MYH15: variants seen among roughly 807,000 people sequenced by gnomAD.
MYH15 encodes the protein myosin heavy chain 15, also known as myosin-15.
In MYH15, 227 loss-of-function variants were observed where a neutral mutation model predicts 240.5. The observed-to-expected ratio is 0.94, with a 90% CI of 0.85 to 1.05. The LOEUF is 1.05. Ranked by LOEUF, MYH15 falls within the 50% of genes least tolerant of loss-of-function variation. The pLI, the probability that MYH15 is intolerant of heterozygous loss-of-function variation, is 0.00. For missense variants in MYH15, 2,217 were observed against 2,247.5 expected, an observed-to-expected ratio of 0.99 and a Z score of 0.27; for synonymous variants, 785 against 796.7, an observed-to-expected ratio of 0.99 and a Z score of 0.25.
intron 9 of MYH15, among the ~76,000 whole-genome samples, chr3:108,489,994 C>G (rs1208009858): frequency 1.3e-5 from 2 of 152,208 alleles, no homozygotes; most frequent in Non-Finnish European, 2.9e-5. Flanking sequence ...CCAAAGGCAT[C>G]AGATGCTTCT....
chr3:108,466,620 G>A lies in MYH15; in HGVS notation c.1555-1806C>T, dbSNP rs181174528. On this transcript the variant is annotated intron_variant, in intron 14 of 40. Coordinates refer to ENST00000693548, the MANE Select transcript of MYH15 (RefSeq NM_014981.3). ...TAGTGCCTGCTTATACCTGAGTAAC[G>A]GGTTTCATTTCTCTATCAGCCCATG... is the stretch of plus-strand genomic sequence containing the variant. Among the ~76,000 whole-genome samples, 681 of 152,218 alleles carry A rather than the reference G, an allele frequency of 4.5e-3. 4 individuals are homozygous for A. Among genetic ancestry groups the A allele is most frequent in the Non-Finnish European group, 5.5e-3 (373 of 68,018 alleles).
At chr3:108,463,539 G>A (rs550545511) in intron 15 of MYH15, among the ~76,000 whole-genome samples, 46 of 151,994 alleles carry the variant, frequency 3.0e-4, no homozygotes, top group Non-Finnish European at 5.9e-4. Flanking sequence ...TCCACATGTT[G>A]CTCGGTTTGG....
rs779673886 is a variant in MYH15 at position 108,499,479 on chromosome 3, C to T, written c.500G>A (p.Arg167Gln). ...CGTGAAGAGTATAGACTGATTTTCTCGATCTACAAAAGAAAGAAAAATGCC... is the reference window on the plus strand; with the variant it reads ...CGTGAAGAGTATAGACTGATTTTCTTGATCTACAAAAGAAAGAAAAATGCC... ...NNAFQDMLHNRENQSILFTGE... is the reference protein window; with the variant it reads ...NNAFQDMLHNQENQSILFTGE... The change falls in exon 5 of 41, where the codon CGA (arginine) becomes CAA (glutamine). Residue 167 changes from arginine (R) to glutamine (Q), a missense_variant. Physicochemically the swap from Arg to Gln is conservative, Grantham distance 43. Transcript: ENST00000693548. The T allele has an allele frequency of 5.6e-6, 9 of 1,612,632 alleles. No homozygotes were observed. Among genetic ancestry groups the T allele is most frequent in the African/African-American group, 1.3e-5 (1 of 74,726 alleles).
intron 25 of MYH15, among the ~76,000 whole-genome samples, chr3:108,431,627 G>A (rs1450321956): frequency 1.3e-5 from 2 of 152,096 alleles, no homozygotes; most frequent in Non-Finnish European, 2.9e-5. Flanking sequence ...GTGTGAAAAC[G>A]GACTAATATA....
chr3:108,414,234 G>A lies in MYH15; in HGVS notation c.4143C>T (p.Ala1381=), dbSNP rs780842849. ...AAGGATAGCCTTGCCCTACTCACTT[G>A]GCATCCTCCAAGTCTTCTGTTCTCT... ...VIQRTEDLED[A]KKELAIRLQE... The change falls in exon 30 of 41, where the codon GCC becomes GCT. Residue 1381 remains alanine, a splice_region_variant and synonymous_variant. Coordinates refer to ENST00000693548, the MANE Select transcript of MYH15 (RefSeq NM_014981.3). The A allele has an allele frequency of 3.7e-6, 6 of 1,613,726 alleles. No homozygotes were observed. In the South Asian group the frequency reaches 6.6e-5, roughly 18 times the overall value.
chr3:108,395,005 C>T (rs968196236), intron 35 of MYH15, among the ~76,000 whole-genome samples: 2 of 152,134 alleles, frequency 1.3e-5, no homozygotes, highest in Non-Finnish European at 2.9e-5. Context: ...GTGGCCCATG[C>T]CTGTAATCCT....
chr3:108,471,737 A>G (rs1001260463), intron 12 of MYH15, among the ~76,000 whole-genome samples: 3 of 152,100 alleles, frequency 2.0e-5, no homozygotes, highest in East Asian at 1.9e-4. Context: ...TGAGCCCAGT[A>G]TCTCTCCCCT....
chr3:108,431,432 T>G (rs1007326151), intron 25 of MYH15, among the ~76,000 whole-genome samples: 3 of 152,204 alleles, frequency 2.0e-5, no homozygotes, highest in Admixed American at 2.0e-4. Flanking sequence ...ATCTAACGTT[T>G]TATAAAGAGG....
chr3:108,519,126 G>A (rs78884903), intron 1 of MYH15, among the ~76,000 whole-genome samples: 4,929 of 152,206 alleles, frequency 0.032, 250 homozygotes, highest in African/African-American at 0.11. Context: ...GGTTAGAAAA[G>A]CATCTAACCA....
At chr3:108,517,954 T>C (rs115561345) in intron 1 of MYH15, among the ~76,000 whole-genome samples, 2,119 of 152,296 alleles carry the variant, frequency 0.014, 52 homozygotes, top group African/African-American at 0.049. Flanking sequence ...TACAGGGCCA[T>C]ACAGGTCAAG....
At chr3:108,388,854 G>C (rs1403208141) in intron 38 of MYH15, 116 bp downstream of exon 38, 1 of 783,440 alleles carries the variant, frequency 1.3e-6, no homozygotes, top group African/African-American at 1.7e-5. Context: ...TGCTGAAGGA[G>C]AACAAAGATG....
upstream of MYH15, among the ~76,000 whole-genome samples, chr3:108,513,377 G>C (rs2107257317): frequency 6.6e-6 from 1 of 152,236 alleles, no homozygotes; most frequent in African/African-American, 2.4e-5. Context: ...AAGAGAGCAG[G>C]GGGCAGCACT....
chr3:108,470,080 C>T lies in MYH15; in HGVS notation c.1516G>A (p.Gly506Ser), dbSNP rs1187695866. The T allele has an allele frequency of 6.2e-7, 1 of 1,609,702 alleles. No individual in the cohort carries two copies. The highest frequency in any genetic ancestry group is 2.2e-5 in the East Asian group (1 of 44,766). Reference protein sequence around the residue: ...ESIEWVSIGFGLDLQACIDLI... With the variant: ...ESIEWVSIGFSLDLQACIDLI... ...TCTATGCAAGCTTGCAAATCCAGACCAAAGCCAATAGACACCCATTCAATG... is the reference window on the plus strand; with the variant it reads ...TCTATGCAAGCTTGCAAATCCAGACTAAAGCCAATAGACACCCATTCAATG... The change falls in exon 14 of 41, where the codon GGT (glycine) becomes AGT (serine). Residue 506 changes from glycine to serine, a missense_variant. Transcript: ENST00000693548.
At position 108,416,806 on chromosome 3, in the gene MYH15, C is replaced by T. The variant is rs1486656702; in HGVS notation, c.3948+6G>A. The T allele has an allele frequency of 3.8e-6, 6 of 1,595,892 alleles. No homozygotes were observed. The South Asian group carries it at 6.6e-5, about 18-fold the overall frequency. Reference sequence around the variant, plus strand: ...AGAAACTAGTGAGAAATAATAGATACATTACTTTGGTCTCCTTTTCCAGCT... The same window carrying T: ...AGAAACTAGTGAGAAATAATAGATATATTACTTTGGTCTCCTTTTCCAGCT... On this transcript the variant is annotated splice_donor_region_variant and intron_variant, in intron 29 of 40. Coordinates refer to ENST00000693548, the MANE Select transcript of MYH15 (RefSeq NM_014981.3).
At chr3:108,545,430 T>C in the MYH15 span, among the ~76,000 whole-genome samples, 6 of 152,176 alleles carry the variant, frequency 3.9e-5, no homozygotes, top group South Asian at 2.1e-4. Flanking sequence ...TAAACCATTA[T>C]TGAAAATCTA....
intron 33 of MYH15, among the ~76,000 whole-genome samples, chr3:108,404,517 G>T (rs967003666): frequency 6.6e-6 from 1 of 152,160 alleles, no homozygotes; most frequent in African/African-American, 2.4e-5. Flanking sequence ...GCCAACATCA[G>T]CCTACTGATC....
At chr3:108,495,545 C>CT (rs1192693793) in intron 7 of MYH15, among the ~76,000 whole-genome samples, 1 of 151,888 alleles carries the variant, frequency 6.6e-6, no homozygotes, top group Non-Finnish European at 1.5e-5. Flanking sequence ...AAGATAAATG[C>CT]TTTTTTCTTG....
rs1293052290 is a variant in MYH15, at chr3:108,462,998, AC to A, written c.1864+112del. 1.0e-5 allele frequency: 13 copies of A among 1,260,352 alleles called. 1 individual carries two copies. The highest frequency in any genetic ancestry group is 1.4e-5 in the Non-Finnish European group (13 of 913,340). The allele number at this position is 1,260,352 out of a possible 1,614,324, so 78.1% of individuals were successfully genotyped here. A position where few individuals can be genotyped will look rare whatever the true frequency, so the allele number is the denominator to read the frequency against. Reference sequence around the variant, plus strand: ...AGACTAATAAGAGGGGACGACTCAGACCACAGGGAGCAGAAACATATCACAG... The same window carrying A: ...AGACTAATAAGAGGGGACGACTCAGACACAGGGAGCAGAAACATATCACAG... On this transcript the variant is annotated intron_variant, in intron 16 of 40. Transcript: ENST00000693548.
chr3:108,495,301 C>T (rs576746721), intron 7 of MYH15, among the ~76,000 whole-genome samples: 4 of 152,186 alleles, frequency 2.6e-5, no homozygotes, highest in South Asian at 2.1e-4. Flanking sequence ...CTCCCCAGCC[C>T]GCCAAAATGT....
Sources: gnomAD v4.1 joint callset for allele counts (sites outside exome capture counted in the v4.1 genomes callset) on GRCh38, gnomAD v4.1.1 for gene constraint, MANE v1.5 for transcripts, NCBI Gene and HGNC (gene_info 2026-07-23, HGNC 2026-07-21) for gene names.